WWOX: variants seen among roughly 807,000 people sequenced by gnomAD.
The protein encoded by WWOX is WW domain-containing oxidoreductase.
In WWOX, 69 loss-of-function variants were observed where a neutral mutation model predicts 46.2. That is an observed-to-expected ratio of 1.49 (90% CI 1.23 to 1.82). The LOEUF is 1.82. Among genes scored for constraint, WWOX ranks in the 40% most tolerant of loss-of-function variants. The probability of loss-of-function intolerance (pLI) is 0.00; values close to 1 mark genes in which losing one functional copy is unlikely to be tolerated. For synonymous variants in WWOX, 359 were observed against 202.6 expected, an observed-to-expected ratio of 1.77 and a Z score of -6.56; for missense variants, 919 against 542.6, an observed-to-expected ratio of 1.69 and a Z score of -6.89.
chr16:78,951,590 C>T (rs1216941057), intron 8 of WWOX, among the ~76,000 whole-genome samples: 2 of 152,190 alleles, frequency 1.3e-5, no homozygotes, highest in African/African-American at 4.8e-5. Context: ...TTCATCACAG[C>T]AGCTATACTG....
chr16:78,160,131 C>T (rs1230777355), intron 4 of WWOX, among the ~76,000 whole-genome samples: 1 of 151,872 alleles, frequency 6.6e-6, no homozygotes, highest in Non-Finnish European at 1.5e-5. Context: ...GGGTTATTTT[C>T]CTAATGTAAT....
chr16:78,540,366 C>T (rs1005615754), intron 8 of WWOX, among the ~76,000 whole-genome samples: 1 of 152,078 alleles, frequency 6.6e-6, no homozygotes, highest in Non-Finnish European at 1.5e-5. Flanking sequence ...AGAATTGTTG[C>T]CTGGGCCTGG....
chr16:79,034,253 C>G (rs998210172), intron 8 of WWOX, among the ~76,000 whole-genome samples: 2 of 152,164 alleles, frequency 1.3e-5, no homozygotes, highest in African/African-American at 4.8e-5. Context: ...AAATAGTTCA[C>G]TGTCTCAGAA....
At chr16:78,719,315 A>C (rs1466777125) in intron 8 of WWOX, among the ~76,000 whole-genome samples, 1 of 152,204 alleles carries the variant, frequency 6.6e-6, no homozygotes, top group Non-Finnish European at 1.5e-5. Context: ...TGGAAGCCCC[A>C]TTAACCATCC....
At chr16:78,241,706 T>A (rs140220226) in intron 5 of WWOX, among the ~76,000 whole-genome samples, 2,580 of 152,224 alleles carry the variant, frequency 0.017, 64 homozygotes, top group African/African-American at 0.055. Context: ...TCCCAAAGTG[T>A]TGGGATTACA....
At chr16:78,878,255 C>G (rs2044273113) in intron 8 of WWOX, among the ~76,000 whole-genome samples, 1 of 152,136 alleles carries the variant, frequency 6.6e-6, no homozygotes, top group African/African-American at 2.4e-5. Flanking sequence ...GATGACTGAG[C>G]TTGTCTGAGT....
At chr16:78,987,054 G>C (rs906049081) in intron 8 of WWOX, among the ~76,000 whole-genome samples, 1 of 152,092 alleles carries the variant, frequency 6.6e-6, no homozygotes, top group East Asian at 1.9e-4. Context: ...TTTCTTAAAG[G>C]ACACAGCGCC....
chr16:78,988,399 A>G (rs1010250705), intron 8 of WWOX, among the ~76,000 whole-genome samples: 9 of 151,920 alleles, frequency 5.9e-5, no homozygotes, highest in African/African-American at 2.2e-4. Context: ...AGAGGTAGTA[A>G]TAGGGGTGGC....
chr16:78,354,646 C>T (rs1475170198), intron 5 of WWOX, among the ~76,000 whole-genome samples: 1 of 152,026 alleles, frequency 6.6e-6, no homozygotes, highest in African/African-American at 2.4e-5. Context: ...TATATTTTGC[C>T]TGATAAATAG....
intron 8 of WWOX, among the ~76,000 whole-genome samples, chr16:78,984,307 C>G (rs927175324): frequency 7.2e-5 from 11 of 152,126 alleles, no homozygotes; most frequent in African/African-American, 2.7e-4. Flanking sequence ...CAGGTAATTG[C>G]AAGTCCCCCA....
chr16:78,426,635 C>G (rs987417555), intron 7 of WWOX, among the ~76,000 whole-genome samples: 23 of 152,042 alleles, frequency 1.5e-4, no homozygotes, highest in Admixed American at 1.4e-3. Flanking sequence ...TTATGCTTTC[C>G]AATTATTCTT....
chr16:78,184,362 A>G (rs2035628585), intron 5 of WWOX, among the ~76,000 whole-genome samples: 1 of 152,188 alleles, frequency 6.6e-6, no homozygotes, highest in Non-Finnish European at 1.5e-5. Context: ...ATGATGCCAG[A>G]GAAAATGACC....
chr16:79,108,729 C>T (rs1438734266), intron 8 of WWOX, among the ~76,000 whole-genome samples: 1 of 151,982 alleles, frequency 6.6e-6, no homozygotes, highest in South Asian at 2.1e-4. Flanking sequence ...CAGTGAGACC[C>T]CACCTCTACA....
chr16:78,713,695 C>A (rs1044451412), intron 8 of WWOX, among the ~76,000 whole-genome samples: 5 of 152,142 alleles, frequency 3.3e-5, no homozygotes, highest in South Asian at 2.1e-4. Context: ...AGGCAAGGGG[C>A]CTCCGGAGAA....
At chr16:78,687,551 C>T (rs2047891534) in intron 8 of WWOX, among the ~76,000 whole-genome samples, 2 of 152,192 alleles carry the variant, frequency 1.3e-5, no homozygotes, top group Middle Eastern at 3.4e-3. Flanking sequence ...TCGGAATACG[C>T]AGACATATAC....
chr16:78,808,882 G>A (rs1422471238), intron 8 of WWOX, among the ~76,000 whole-genome samples: 3 of 152,084 alleles, frequency 2.0e-5, no homozygotes, highest in Non-Finnish European at 4.4e-5. Flanking sequence ...ATAGTTGTGT[G>A]GCTTGGTGGA....
intron 5 of WWOX, among the ~76,000 whole-genome samples, chr16:78,302,690 C>T (rs967646437): frequency 2.6e-5 from 4 of 152,190 alleles, no homozygotes; most frequent in Admixed American, 1.3e-4. Flanking sequence ...TCCACCATAC[C>T]TTATTGTCTC....
At chr16:78,183,810 C>G (rs1355436852) in intron 5 of WWOX, among the ~76,000 whole-genome samples, 1 of 152,188 alleles carries the variant, frequency 6.6e-6, no homozygotes, top group African/African-American at 2.4e-5. Context: ...CACAGAGCCT[C>G]CCCTGAGTAG....
intron 5 of WWOX, among the ~76,000 whole-genome samples, chr16:78,294,623 TA>T (rs2079913862): frequency 6.8e-6 from 1 of 146,190 alleles, no homozygotes; most frequent in Non-Finnish European, 1.5e-5. Flanking sequence ...GTGAGGTCTG[TA>T]AAAGGATAGT....
Sources: gnomAD v4.1 joint callset for allele counts (sites outside exome capture counted in the v4.1 genomes callset) on GRCh38, gnomAD v4.1.1 for gene constraint, MANE v1.5 for transcripts, NCBI Gene and HGNC (gene_info 2026-07-23, HGNC 2026-07-21) for gene names.